Variants in CDC42 observed in about 807,000 individuals in gnomAD.
CDC42 encodes the protein cell division control protein 42 homolog.
A neutral mutation model predicts 20.8 loss-of-function variants in CDC42; 1 was observed. The ratio of observed to expected loss-of-function variants is 0.05; its 90% confidence interval spans 0.02 to 0.23. The LOEUF (loss-of-function observed/expected upper bound fraction) is 0.23, where lower values mean the gene tolerates loss of function less well. CDC42 is among the 10% of genes least tolerant of loss of function. CDC42 has a pLI of 1.00. For missense variants in CDC42, 49 were observed against 227.9 expected, an observed-to-expected ratio of 0.21 and a Z score of 5.05; for synonymous variants, 72 against 84.8, an observed-to-expected ratio of 0.85 and a Z score of 0.83.
chr1:22,090,478 G>C (rs1334367357), intron 5 of CDC42: 1 of 988,720 alleles, frequency 1.0e-6, no homozygotes, highest in African/African-American at 1.7e-5. Flanking sequence ...CTAGTAGAGT[G>C]TAATGGGGAA....
rs963803285 is a variant in CDC42, at chr1:22,099,362, C to G, written c.*7845C>G. Among the ~76,000 whole-genome samples, 5 of 152,204 alleles carry G rather than the reference C, an allele frequency of 3.3e-5. No homozygotes were observed. The highest frequency in any genetic ancestry group is 9.7e-5 in the African/African-American group (4 of 41,448). ...TAAGCACATGGTGTTATCACACTTG[C>G]TACTCACAACAGCTCTGAGGTTGAT... On this transcript the variant is annotated 3_prime_UTR_variant, in exon 6 of 6. Coordinates refer to ENST00000656825, the MANE Select transcript of CDC42 (RefSeq NM_001791.4).
Position 22,098,744 on chromosome 1 carries a change from T to C in CDC42, c.*7227T>C, listed in dbSNP as rs191816279. Among the ~76,000 whole-genome samples the C allele has an allele frequency of 2.9e-4, 44 of 152,264 alleles. No homozygotes were observed. The East Asian group carries it at 8.1e-3, about 28-fold the overall frequency. On this transcript the variant is annotated 3_prime_UTR_variant, in exon 6 of 6. Transcript: ENST00000656825. ...TGAATTTTAGAGTATTTCTGGGCTA[T>C]AGGTCATTACAGCTTTACTTATTTA...
chr1:22,063,741 A>G (rs1186043078), intron 1 of CDC42, among the ~76,000 whole-genome samples: 3 of 151,728 alleles, frequency 2.0e-5, no homozygotes, highest in Admixed American at 2.0e-4. Context: ...TTTTTTTGAG[A>G]CAGAGTCTTG....
intron 1 of CDC42, among the ~76,000 whole-genome samples, chr1:22,077,672 C>A (rs1253165595): frequency 6.6e-6 from 1 of 152,052 alleles, no homozygotes; most frequent in Non-Finnish European, 1.5e-5. Flanking sequence ...TACATTCTGA[C>A]TTTAGAGATG....
intron 2 of CDC42, 181 bp downstream of exon 2, chr1:22,078,764 A>G: frequency 2.0e-6 from 3 of 1,487,278 alleles, no homozygotes; most frequent in Non-Finnish European, 2.7e-6. Context: ...ATCAGTGGAA[A>G]GTCAGAAGGG....
In CDC42 at chr1:22,094,128, G is replaced by A. The variant is rs1278086562; in HGVS notation, c.*2611G>A. Among the ~76,000 whole-genome samples the A allele has an allele frequency of 2.0e-5, 3 of 151,966 alleles. No homozygotes were observed. The highest frequency in any genetic ancestry group is 1.3e-4 in the Admixed American group (2 of 15,256). ...CGTAACAAACTTGCTTATAGTCGTG[G>A]CTTAGAAGGTGAGTGATATTCTCCA... On this transcript the variant is annotated 3_prime_UTR_variant, in exon 6 of 6. Coordinates refer to ENST00000656825, the MANE Select transcript of CDC42 (RefSeq NM_001791.4).
At chr1:22,078,359 C>T (rs1005169661) in intron 1 of CDC42, 70 bp from the exon 2 acceptor site, 9 of 667,984 alleles carry the variant, frequency 1.3e-5, no homozygotes, top group Non-Finnish European at 2.2e-5. Context: ...GTGCCTGAAC[C>T]TGTTGCTAAG....
Position 22,098,750 on chromosome 1 carries a change from A to T in CDC42, c.*7233A>T, listed in dbSNP as rs775183931. Among the ~76,000 whole-genome samples the T allele has an allele frequency of 6.6e-6, 1 of 152,098 alleles. No homozygotes were observed. Among genetic ancestry groups the T allele is most frequent in the Non-Finnish European group, 1.5e-5 (1 of 68,004 alleles). ...TTAGAGTATTTCTGGGCTATAGGTC[A>T]TTACAGCTTTACTTATTTATTTTTT... is the stretch of plus-strand genomic sequence containing the variant. On this transcript the variant is annotated 3_prime_UTR_variant, in exon 6 of 6. Coordinates refer to ENST00000656825, the MANE Select transcript of CDC42 (RefSeq NM_001791.4).
intron 1 of CDC42, among the ~76,000 whole-genome samples, chr1:22,057,873 G>A (rs1314833419): frequency 7.3e-5 from 11 of 151,512 alleles, no homozygotes; most frequent in East Asian, 1.9e-4. Flanking sequence ...ACAGGTGTCC[G>A]CCACCACACC....
Position 22,099,712 on chromosome 1 carries a change from CTAAAGGTGTAGCTTTAGAGGATT to C in CDC42, c.*8196_*8218del, listed in dbSNP as rs1407879485. ...ATGACACCTTCTTCCTTTAGAGGATCTAAAGGTGTAGCTTTAGAGGATTGTAGGGTGCCTTTGCCCATTGTGTC... is the reference window on the plus strand; with the variant it reads ...ATGACACCTTCTTCCTTTAGAGGATCGTAGGGTGCCTTTGCCCATTGTGTC... On this transcript the variant is annotated 3_prime_UTR_variant, in exon 6 of 6. Transcript: ENST00000656825. Among the ~76,000 whole-genome samples the C allele has an allele frequency of 1.3e-5, 2 of 152,084 alleles. No homozygotes were observed. Among genetic ancestry groups the C allele is most frequent in the African/African-American group, 4.8e-5 (2 of 41,412 alleles).
chr1:22,060,170 C>T (rs1440747959), intron 1 of CDC42, among the ~76,000 whole-genome samples: 1 of 151,856 alleles, frequency 6.6e-6, no homozygotes, highest in Non-Finnish European at 1.5e-5. Context: ...GGTGAAACCC[C>T]GTCTTTACTA....
chr1:22,053,403 C>T (rs1167073885), intron 1 of CDC42: 2 of 152,186 alleles, frequency 1.3e-5, no homozygotes, highest in African/African-American at 2.4e-5. Context: ...GGCCCCGAGC[C>T]ACGGCCTCCA....
At position 22,099,115 on chromosome 1, in the gene CDC42, T is replaced by C. The variant is rs1029892631; in HGVS notation, c.*7598T>C. The stretch of plus-strand genomic sequence containing the variant: ...GGAGGGCCCAGGCATGTTTGCAGAG[T>C]GGCTGGGGGCCCTGCTTCACCACGG... On this transcript the variant is annotated 3_prime_UTR_variant, in exon 6 of 6. Coordinates refer to ENST00000656825, the MANE Select transcript of CDC42 (RefSeq NM_001791.4). Among the ~76,000 whole-genome samples the C allele has an allele frequency of 3.4e-4, 52 of 152,004 alleles. No individual in the cohort carries two copies. The highest frequency in any genetic ancestry group is 1.2e-3 in the African/African-American group (51 of 41,358).
At chr1:22,054,821 A>G (rs1447934889) in intron 1 of CDC42, among the ~76,000 whole-genome samples, 1 of 137,776 alleles carries the variant, frequency 7.3e-6, no homozygotes. Flanking sequence ...TGAGCTTTCT[A>G]TTTTTAATAA....
intron 1 of CDC42, among the ~76,000 whole-genome samples, chr1:22,067,764 A>G (rs944952690): frequency 6.6e-6 from 1 of 152,098 alleles, no homozygotes; most frequent in Non-Finnish European, 1.5e-5. Context: ...CTCTGGACCT[A>G]ATCACCTCCC....
chr1:22,077,947 G>A (rs1166910557), intron 1 of CDC42, among the ~76,000 whole-genome samples: 1 of 152,146 alleles, frequency 6.6e-6, no homozygotes, highest in Admixed American at 6.6e-5. Flanking sequence ...TGATCGTGTG[G>A]TGCTCTGCTG....
At chr1:22,062,065 A>G (rs1007934325) in intron 1 of CDC42, among the ~76,000 whole-genome samples, 12 of 151,924 alleles carry the variant, frequency 7.9e-5, no homozygotes, top group Non-Finnish European at 1.8e-4. Context: ...CCTCCCGAGT[A>G]GCTGGGACTA....
At position 22,092,580 on chromosome 1, in the gene CDC42, C is replaced by G. The variant is rs1203814804; in HGVS notation, c.*1063C>G. ...CTCAAGTTAGGAGGATGGAGGCCTGCTTCATTAAGAAGCTGGGGGTAGGGT... is the reference window on the plus strand; with the variant it reads ...CTCAAGTTAGGAGGATGGAGGCCTGGTTCATTAAGAAGCTGGGGGTAGGGT... On this transcript the variant is annotated 3_prime_UTR_variant, in exon 6 of 6. Transcript: ENST00000656825. 2 of 125,946 alleles carry G rather than the reference C, an allele frequency of 1.6e-5. No individual in the cohort carries two copies. The highest frequency in any genetic ancestry group is 3.2e-5 in the Non-Finnish European group (2 of 62,744). 7.8% of individuals were successfully genotyped at this position (125,946 alleles called of 1,614,324 possible).
intron 3 of CDC42, among the ~76,000 whole-genome samples, chr1:22,085,096 G>T (rs1645648014): frequency 6.6e-6 from 1 of 152,016 alleles, no homozygotes; most frequent in African/African-American, 2.4e-5. Flanking sequence ...GCCTGGTGCG[G>T]TGGTGTGTGC....
Sources: allele counts gnomAD v4.1 joint callset (sites outside exome capture counted in the v4.1 genomes callset), GRCh38; gene constraint gnomAD v4.1.1; transcripts MANE v1.5; gene names NCBI Gene and HGNC (gene_info 2026-07-23, HGNC 2026-07-21).